Variants in TMEM164 observed in about 807,000 individuals in gnomAD.
The protein encoded by TMEM164 is transmembrane protein 164.
A neutral mutation model predicts 18.8 loss-of-function variants in TMEM164; 4 were observed. The observed-to-expected ratio is 0.21, with a 90% CI of 0.10 to 0.49. The LOEUF (loss-of-function observed/expected upper bound fraction) is 0.49, where lower values mean the gene tolerates loss of function less well. TMEM164 is among the 20% of genes least tolerant of loss of function. TMEM164 has a pLI of 0.98. For synonymous variants in TMEM164, 86 were observed against 101.7 expected, an observed-to-expected ratio of 0.85 and a Z score of 0.93; for missense variants, 108 against 239.9, an observed-to-expected ratio of 0.45 and a Z score of 3.63.
intron 2 of TMEM164, among the ~76,000 whole-genome samples, chrX:110,022,508 G>A (rs907029833): frequency 3.6e-5 from 4 of 111,327 alleles, no homozygotes; most frequent in African/African-American, 1.3e-4. Flanking sequence ...TTTGATCATT[G>A]TCACATGATG....
intron 4 of TMEM164, among the ~76,000 whole-genome samples, chrX:110,110,318 G>A (rs1000656283): frequency 3.6e-5 from 4 of 112,156 alleles, no homozygotes; most frequent in Admixed American, 9.4e-5. Context: ...CTAAAGCAGC[G>A]ATTTTGAACC....
At chrX:110,031,171 C>T (rs1234402232) in intron 2 of TMEM164, among the ~76,000 whole-genome samples, 1 of 111,993 alleles carries the variant, frequency 8.9e-6, no homozygotes, top group East Asian at 2.8e-4. Flanking sequence ...TTTTCTGTTC[C>T]TATGTTAATT....
At chrX:110,110,984 A>C (rs2066282864) in intron 4 of TMEM164, among the ~76,000 whole-genome samples, 1 of 112,349 alleles carries the variant, frequency 8.9e-6, no homozygotes, top group African/African-American at 3.2e-5. Flanking sequence ...ACCCCAAAGC[A>C]TCTTACAGAT....
rs894365563 is a variant in TMEM164 at position 110,034,401 on chromosome X, A to G, written c.390+30237A>G. 1.1e-4 allele frequency among the ~76,000 whole-genome samples: 12 copies of G among 112,552 alleles called. No individual in the cohort carries two copies. The Admixed American group carries it at 1.1e-3, about 11-fold the overall frequency. On this transcript the variant is annotated intron_variant, in intron 2 of 6. Coordinates refer to ENST00000372068, the MANE Select transcript of TMEM164 (RefSeq NM_032227.4). ...AAATTTGGAAACTAAAGAATTTGGC[A>G]AACTTTTTCTGTAAAGGGCCAGATA... is the stretch of plus-strand genomic sequence containing the variant.
intron 3 of TMEM164, among the ~76,000 whole-genome samples, chrX:110,075,409 G>A (rs747448417): frequency 9.0e-6 from 1 of 111,434 alleles, no homozygotes. Context: ...GTGAAGAGAA[G>A]ATAGTTTGAA....
intron 2 of TMEM164, among the ~76,000 whole-genome samples, chrX:110,034,067 T>C (rs1324001430): frequency 1.8e-5 from 2 of 110,593 alleles, no homozygotes; most frequent in Non-Finnish European, 3.8e-5. Context: ...AGACTGAAAA[T>C]AATAAGCCAG....
At chrX:110,056,460 GC>G (rs1469781802) in intron 2 of TMEM164, among the ~76,000 whole-genome samples, 1 of 111,993 alleles carries the variant, frequency 8.9e-6, no homozygotes, top group East Asian at 2.8e-4. Flanking sequence ...CTGCCTTTTG[GC>G]TATTACAGAT....
chrX:110,155,391 C>G (rs1346933790), intron 5 of TMEM164, among the ~76,000 whole-genome samples: 1 of 110,452 alleles, frequency 9.1e-6, no homozygotes, highest in Non-Finnish European at 1.9e-5. Context: ...TTCTGTACCC[C>G]TTCTCTCATC....
intron 2 of TMEM164, among the ~76,000 whole-genome samples, chrX:110,056,423 G>T (rs923662757): frequency 8.9e-6 from 1 of 111,846 alleles, no homozygotes. Context: ...GTATCCATTT[G>T]TCTGTTGGTG....
At chrX:110,073,667 C>T (rs2065629088) in intron 3 of TMEM164, among the ~76,000 whole-genome samples, 1 of 111,288 alleles carries the variant, frequency 9.0e-6, no homozygotes, top group South Asian at 3.8e-4. Flanking sequence ...GAGTATATAC[C>T]CAGTAATGGG....
rs990306988 is a variant in TMEM164, at chrX:110,174,539, C to T, written c.*1088C>T. The stretch of plus-strand genomic sequence containing the variant: ...TGGTTTTACAGGGCCAGTGTTGTTT[C>T]CCTAGGGCCAGATTTCTTCAGTGTA... On this transcript the variant is annotated 3_prime_UTR_variant, in exon 7 of 7. Transcript: ENST00000372068. 1 of 110,029 alleles carries T rather than the reference C, an allele frequency of 9.1e-6. No homozygotes were observed. The highest frequency in any genetic ancestry group is 1.9e-5 in the Non-Finnish European group (1 of 52,717). 9.1% of individuals were successfully genotyped at this position (110,029 alleles called of 1,213,427 possible). A position where few individuals can be genotyped will look rare whatever the true frequency, so the allele number is the denominator to read the frequency against.
intron 4 of TMEM164, among the ~76,000 whole-genome samples, chrX:110,127,010 C>T (rs1362933881): frequency 9.0e-6 from 1 of 110,964 alleles, no homozygotes; most frequent in East Asian, 2.8e-4. Context: ...ATGCACTGTA[C>T]ATAACTGTGT....
chrX:110,183,254 G>A (rs771153884), downstream of TMEM164, among the ~76,000 whole-genome samples: 2 of 112,328 alleles, frequency 1.8e-5, no homozygotes, highest in South Asian at 7.4e-4. Context: ...ATAATATCAA[G>A]GCTAAGTCCC....
intron 4 of TMEM164, among the ~76,000 whole-genome samples, chrX:110,138,051 C>G (rs1302539073): frequency 8.9e-6 from 1 of 111,998 alleles, no homozygotes; most frequent in Non-Finnish European, 1.9e-5. Flanking sequence ...CCAGGTGATA[C>G]CATCTCTTCT....
intron 2 of TMEM164, among the ~76,000 whole-genome samples, chrX:110,031,878 A>ATTC (rs1278942434): frequency 4.7e-5 from 5 of 105,889 alleles, no homozygotes; most frequent in Admixed American, 1.0e-4. Flanking sequence ...TATTATTATT[A>ATTC]TTATCATTAT....
At chrX:110,041,419 A>G (rs1261871023) in intron 2 of TMEM164, among the ~76,000 whole-genome samples, 1 of 111,630 alleles carries the variant, frequency 9.0e-6, no homozygotes, top group Non-Finnish European at 1.9e-5. Context: ...TTCACCGGAG[A>G]TAGATGTGAC....
intron 2 of TMEM164, among the ~76,000 whole-genome samples, chrX:110,018,669 G>A (rs1374549130): frequency 8.9e-6 from 1 of 112,319 alleles, no homozygotes; most frequent in Admixed American, 9.4e-5. Context: ...GCAAAATGGG[G>A]ATTAATAGTA....
intron 5 of TMEM164, among the ~76,000 whole-genome samples, chrX:110,148,899 T>C (rs1054971805): frequency 2.7e-5 from 3 of 110,636 alleles, no homozygotes; most frequent in African/African-American, 9.9e-5. Context: ...TTTCCCATTC[T>C]AAGAAACTTT....
intron 4 of TMEM164, 52 bp downstream of exon 4, chrX:110,109,198 C>T (rs1336749000): frequency 1.8e-6 from 2 of 1,085,558 alleles, no homozygotes; most frequent in African/African-American, 3.7e-5. Flanking sequence ...CAGTACTTGC[C>T]TATATGCCCA....
Sources: allele counts gnomAD v4.1 joint callset (sites outside exome capture counted in the v4.1 genomes callset), GRCh38; gene constraint gnomAD v4.1.1; transcripts MANE v1.5; gene names NCBI Gene and HGNC (gene_info 2026-07-23, HGNC 2026-07-21).